Variants in KLHL32 observed in about 807,000 individuals in gnomAD.
The protein encoded by KLHL32 is kelch like family member 32.
In KLHL32, 35 loss-of-function variants were observed where a neutral mutation model predicts 64.8. That is an observed-to-expected ratio of 0.54 (90% CI 0.41 to 0.72). KLHL32 has a LOEUF of 0.72. KLHL32 is among the 30% of genes least tolerant of loss of function. The pLI, the probability that KLHL32 is intolerant of heterozygous loss-of-function variation, is 0.00. For missense variants in KLHL32, 589 were observed against 768.5 expected (o/e 0.77, Z 2.76); for synonymous variants, 259 against 281.0 (o/e 0.92, Z 0.78).
chr6:97,016,700 T>A (rs879350886), intron 3 of KLHL32, among the ~76,000 whole-genome samples: 3 of 152,030 alleles, frequency 2.0e-5, no homozygotes, highest in Non-Finnish European at 2.9e-5. Flanking sequence ...GAGGACGAGA[T>A]TTGGGAGGGG....
intron 1 of KLHL32, among the ~76,000 whole-genome samples, chr6:96,939,362 T>G (rs181844852): frequency 9.5e-4 from 144 of 152,328 alleles, no homozygotes; most frequent in Non-Finnish European, 1.7e-3. Context: ...GTGAGGAAGA[T>G]AGTCAGGAAC....
chr6:96,959,096 A>G (rs1472014824), intron 1 of KLHL32, among the ~76,000 whole-genome samples: 4 of 152,182 alleles, frequency 2.6e-5, no homozygotes. Flanking sequence ...TTTAGCACCT[A>G]GAGAAAGATG....
chr6:97,081,868 A>G (rs1792583014), intron 5 of KLHL32, among the ~76,000 whole-genome samples: 1 of 152,054 alleles, frequency 6.6e-6, no homozygotes, highest in Non-Finnish European at 1.5e-5. Flanking sequence ...GTCCTGGCAC[A>G]TGGTGTGAAT....
At chr6:97,082,994 C>T (rs575191293) in intron 5 of KLHL32, among the ~76,000 whole-genome samples, 86 of 152,306 alleles carry the variant, frequency 5.6e-4, no homozygotes, top group African/African-American at 2.0e-3. Flanking sequence ...CTTGCTCTCC[C>T]CCGCAACCTA....
At chr6:96,935,282 C>T (rs780658654) in intron 1 of KLHL32, among the ~76,000 whole-genome samples, 2 of 152,156 alleles carry the variant, frequency 1.3e-5, no homozygotes, top group South Asian at 2.1e-4. Context: ...TAGGTACAAA[C>T]CTGCTCAATT....
intron 6 of KLHL32, among the ~76,000 whole-genome samples, chr6:97,107,021 G>A (rs562844699): frequency 1.8e-4 from 28 of 151,964 alleles, no homozygotes; most frequent in African/African-American, 5.8e-4. Context: ...GGCTGAGCGC[G>A]GTGGCTCACA....
chr6:97,081,672 G>C (rs1792542590), intron 5 of KLHL32, among the ~76,000 whole-genome samples: 2 of 152,156 alleles, frequency 1.3e-5, no homozygotes. Flanking sequence ...TTAACTCCAA[G>C]TCAAATCCCT....
At chr6:97,050,276 C>A (rs1252567452) in intron 4 of KLHL32, among the ~76,000 whole-genome samples, 1 of 152,064 alleles carries the variant, frequency 6.6e-6, no homozygotes, top group African/African-American at 2.4e-5. Flanking sequence ...ATGCGCAACC[C>A]CCCAACCCAA....
intron 6 of KLHL32, among the ~76,000 whole-genome samples, chr6:97,091,985 T>C (rs113001382): frequency 2.1e-4 from 31 of 151,186 alleles, no homozygotes; most frequent in Non-Finnish European, 2.8e-4. Flanking sequence ...TTCTTTCTTT[T>C]TTTTTTTTTT....
chr6:96,941,856 T>C (rs1771330183), intron 1 of KLHL32, among the ~76,000 whole-genome samples: 1 of 152,122 alleles, frequency 6.6e-6, no homozygotes, highest in Non-Finnish European at 1.5e-5. Context: ...TTTTCTCTGT[T>C]GTGTGTAATT....
intron 4 of KLHL32, 129 bp downstream of exon 4, chr6:97,041,728 A>T: frequency 1.7e-6 from 1 of 576,500 alleles, no homozygotes; most frequent in South Asian, 2.6e-5. Context: ...TAAGATTCAC[A>T]TCCTCTTAAT....
At chr6:96,900,918 A>G in the KLHL32 span, among the ~76,000 whole-genome samples, 2 of 152,328 alleles carry the variant, frequency 1.3e-5, no homozygotes, top group African/African-American at 2.4e-5. Flanking sequence ...TAGGAGTCCA[A>G]CTGAAATAAT....
rs78568658 is a variant in KLHL32, at chr6:97,079,529, T to C, written c.412-5597T>C. Among the ~76,000 whole-genome samples the C allele has an allele frequency of 5.8e-4, 89 of 152,304 alleles. No individual in the cohort carries two copies. The East Asian group carries it at 0.014, about 24-fold the overall frequency. ...TGGTAGTTAATCTGGGGAATAACCA[T>C]TGAAGGAACCAATTAGGGAAAGAGG... On this transcript the variant is annotated intron_variant, in intron 5 of 10. Transcript: ENST00000369261.
chr6:97,138,911 T>C (rs1236408232), intron 10 of KLHL32, among the ~76,000 whole-genome samples: 1 of 152,196 alleles, frequency 6.6e-6, no homozygotes, highest in Non-Finnish European at 1.5e-5. Flanking sequence ...TGTATGTATA[T>C]ATGTACATCC....
intron 3 of KLHL32, among the ~76,000 whole-genome samples, chr6:96,993,964 G>C (rs1025938327): frequency 6.7e-6 from 1 of 149,756 alleles, no homozygotes; most frequent in Admixed American, 6.9e-5. Flanking sequence ...CAGTAAGCAT[G>C]CTACCCTTTG....
At chr6:96,956,565 A>G (rs1238952849) in intron 1 of KLHL32, among the ~76,000 whole-genome samples, 1 of 152,012 alleles carries the variant, frequency 6.6e-6, no homozygotes, top group African/African-American at 2.4e-5. Context: ...GTGCTCCCCT[A>G]CTTGGTCTTT....
chr6:96,989,330 A>C (rs1238215080), intron 3 of KLHL32, among the ~76,000 whole-genome samples: 1 of 152,144 alleles, frequency 6.6e-6, no homozygotes, highest in Non-Finnish European at 1.5e-5. Flanking sequence ...TTGTCTGAAA[A>C]GGATTTTATT....
intron 6 of KLHL32, among the ~76,000 whole-genome samples, chr6:97,093,414 G>A (rs1794541244): frequency 6.6e-6 from 1 of 152,134 alleles, no homozygotes; most frequent in African/African-American, 2.4e-5. Flanking sequence ...GCTTCCAGAA[G>A]TTCAATAGTT....
chr6:97,083,252 C>A (rs1447295942), intron 5 of KLHL32, among the ~76,000 whole-genome samples: 1 of 152,112 alleles, frequency 6.6e-6, no homozygotes, highest in Non-Finnish European at 1.5e-5. Context: ...TAGCTGGGTG[C>A]GATGGCACGC....
Sources: gnomAD v4.1 joint callset for allele counts (sites outside exome capture counted in the v4.1 genomes callset) on GRCh38, gnomAD v4.1.1 for gene constraint, MANE v1.5 for transcripts, NCBI Gene and HGNC (gene_info 2026-07-23, HGNC 2026-07-21) for gene names.